The following CDH20 variants were observed in gnomAD, a reference collection of about 807,000 sequenced individuals.
CDH20 encodes the protein cadherin-20.
In CDH20, 29 loss-of-function variants were observed where a neutral mutation model predicts 74.2. The observed-to-expected ratio is 0.39, with a 90% CI of 0.29 to 0.53. CDH20 has a LOEUF of 0.53. CDH20 is among the 20% of genes least tolerant of loss of function. The pLI is 0.69. For missense variants in CDH20, 988 were observed against 1,048.3 expected (o/e 0.94, Z 0.79); for synonymous variants, 469 against 405.4 (o/e 1.16, Z -1.88).
intron 1 of CDH20, among the ~76,000 whole-genome samples, chr18:61,423,293 C>G (rs972931899): frequency 6.6e-6 from 1 of 152,204 alleles, no homozygotes; most frequent in African/African-American, 2.4e-5. Context: ...TCAGCTAGGG[C>G]AGCCCCCATC....
At position 61,508,421 on chromosome 18, in the gene CDH20, G is replaced by A. The variant is rs150088523; in HGVS notation, c.1017+861G>A. On this transcript the variant is annotated intron_variant, in intron 6 of 11. Transcript: ENST00000262717. ...AAGGTAATAACTGATATGGGAGGGGGAGCCAGGAAGCAGAACAGAACACAA... is the reference window on the plus strand; with the variant it reads ...AAGGTAATAACTGATATGGGAGGGGAAGCCAGGAAGCAGAACAGAACACAA... 2.1e-4 allele frequency among the ~76,000 whole-genome samples: 32 copies of A among 152,208 alleles called. No homozygotes were observed. In the East Asian group the frequency reaches 5.8e-3, roughly 28 times the overall value.
At position 61,528,446 on chromosome 18, in the gene CDH20, G is replaced by GACACACATACACACACACACACACAC. The variant is rs370479851; in HGVS notation, c.1271+233_1271+234insTACACACACACACACACACACACACA. Among the ~76,000 whole-genome samples, 15 of 97,730 alleles carry GACACACATACACACACACACACACAC rather than the reference G, an allele frequency of 1.5e-4. No individual in the cohort carries two copies. In the South Asian group the frequency reaches 2.7e-3, roughly 18 times the overall value. The allele number at this position is 97,730 out of a possible 152,430, so 64.1% of individuals were successfully genotyped here. A position where few individuals can be genotyped will look rare whatever the true frequency, so the allele number is the denominator to read the frequency against. On this transcript the variant is annotated intron_variant, in intron 7 of 11. Transcript: ENST00000262717. Reference sequence around the variant, plus strand: ...TTATAACTCACTTTCAATTGGTTGAGACACACACACACACACACACACACA... The same window carrying GACACACATACACACACACACACACAC: ...TTATAACTCACTTTCAATTGGTTGAGACACACATACACACACACACACACACACACACACACACACACACACACACA...
At chr18:61,496,220 CTCCCTT>C (rs892620927) in intron 2 of CDH20, among the ~76,000 whole-genome samples, 3 of 76,694 alleles carry the variant, frequency 3.9e-5, no homozygotes, top group East Asian at 4.7e-4. Flanking sequence ...ATCCCTCTCC[CTCCCTT>C]TCCCTTTCCC....
chr18:61,527,817 A>T, intron 6 of CDH20, 150 bp from the exon 7 acceptor site: 1 of 722,076 alleles, frequency 1.4e-6, no homozygotes, highest in Non-Finnish European at 2.3e-6. Context: ...CAAGACAAAG[A>T]TTTCCCTTCT....
chr18:61,458,288 T>A (rs1451351646), intron 1 of CDH20, among the ~76,000 whole-genome samples: 1 of 152,220 alleles, frequency 6.6e-6, no homozygotes, highest in African/African-American at 2.4e-5. Context: ...TAGTGGAACA[T>A]TCTAAAAATC....
intron 1 of CDH20, among the ~76,000 whole-genome samples, chr18:61,428,008 GC>G (rs1913130260): frequency 6.6e-6 from 1 of 152,140 alleles, no homozygotes; most frequent in Admixed American, 6.5e-5. Flanking sequence ...TAAAGATATA[GC>G]CCCCTCCACA....
chr18:61,374,829 G>T lies in CDH20; in HGVS notation c.-153+41002G>T, dbSNP rs978077507. Among the ~76,000 whole-genome samples the T allele has an allele frequency of 2.6e-5, 4 of 152,086 alleles. No homozygotes were observed. In the East Asian group the frequency reaches 5.8e-4, roughly 22 times the overall value. ...ACAGTCTTAGAGCATTTTGTAAAGG[G>T]TGTTTCTTTCCTGGCTATCTACCCT... On this transcript the variant is annotated intron_variant, in intron 1 of 11. Transcript: ENST00000262717.
chr18:61,445,294 C>T (rs1346907545), intron 1 of CDH20, among the ~76,000 whole-genome samples: 1 of 149,620 alleles, frequency 6.7e-6, no homozygotes, highest in Non-Finnish European at 1.5e-5. Context: ...TAGGTTTTAT[C>T]CTCCATTTAC....
At chr18:61,364,508 C>T (rs1164896788) in intron 1 of CDH20, among the ~76,000 whole-genome samples, 1 of 152,294 alleles carries the variant, frequency 6.6e-6, no homozygotes, top group East Asian at 1.9e-4. Context: ...GATGTGGTTT[C>T]TCCATGTTGG....
chr18:61,372,327 C>CTATT (rs1911071347), intron 1 of CDH20, among the ~76,000 whole-genome samples: 1 of 152,020 alleles, frequency 6.6e-6, no homozygotes, highest in South Asian at 2.1e-4. Context: ...TCTTCTGTGT[C>CTATT]TATTGATCCT....
intron 1 of CDH20, among the ~76,000 whole-genome samples, chr18:61,475,971 C>T (rs1910366869): frequency 6.6e-6 from 1 of 152,084 alleles, no homozygotes; most frequent in Admixed American, 6.6e-5. Flanking sequence ...GGGATTGGCT[C>T]CTTGTATTCT....
chr18:61,551,530 T>C (rs1164743977), intron 11 of CDH20, among the ~76,000 whole-genome samples: 1 of 152,172 alleles, frequency 6.6e-6, no homozygotes, highest in Admixed American at 6.5e-5. Flanking sequence ...AAATACAACA[T>C]GTGGTTTAAT....
At chr18:61,492,280 T>C (rs1910987536) in intron 2 of CDH20, among the ~76,000 whole-genome samples, 2 of 152,130 alleles carry the variant, frequency 1.3e-5, no homozygotes, top group South Asian at 4.1e-4. Context: ...CTGCTAGTCC[T>C]ATGCCAGAAT....
intron 1 of CDH20, among the ~76,000 whole-genome samples, chr18:61,438,260 C>T (rs575556034): frequency 6.6e-6 from 1 of 152,196 alleles, no homozygotes; most frequent in East Asian, 1.9e-4. Context: ...TTCTAAGGAA[C>T]ATAACAAATT....
chr18:61,387,144 C>A (rs1040806705), intron 1 of CDH20, among the ~76,000 whole-genome samples: 1 of 152,164 alleles, frequency 6.6e-6, no homozygotes, highest in Non-Finnish European at 1.5e-5. Context: ...TCAACCTTCA[C>A]AAATAAAACA....
chr18:61,425,295 G>A (rs964986539), intron 1 of CDH20, among the ~76,000 whole-genome samples: 2 of 152,334 alleles, frequency 1.3e-5, no homozygotes, highest in South Asian at 2.1e-4. Flanking sequence ...GATGGACCGG[G>A]AAGTGATGGG....
At position 61,414,907 on chromosome 18, in the gene CDH20, C is replaced by T. The variant is rs146104919; in HGVS notation, c.-152-75495C>T. On this transcript the variant is annotated intron_variant, in intron 1 of 11. Transcript: ENST00000262717. ...AAGTACATTTTTATTGTTGGGCAAA[C>T]ATCACCACCATCCATCTCCAGAACT... is the stretch of plus-strand genomic sequence containing the variant. Among the ~76,000 whole-genome samples the T allele has an allele frequency of 3.9e-3, 599 of 152,102 alleles. 2 individuals carry two copies. The highest frequency in any genetic ancestry group is 0.014 in the African/African-American group (565 of 41,514).
intron 1 of CDH20, among the ~76,000 whole-genome samples, chr18:61,407,048 T>A (rs955263390): frequency 3.3e-5 from 5 of 152,242 alleles, no homozygotes; most frequent in African/African-American, 1.2e-4. Context: ...TAACTGCTCC[T>A]CAAGTAAGAG....
At chr18:61,533,974 T>A (rs1218683778) in intron 7 of CDH20, among the ~76,000 whole-genome samples, 1 of 152,194 alleles carries the variant, frequency 6.6e-6, no homozygotes, top group Non-Finnish European at 1.5e-5. Context: ...TCCTATTTAG[T>A]TGGTTGATGT....
Sources: gnomAD v4.1 joint callset for allele counts (sites outside exome capture counted in the v4.1 genomes callset) on GRCh38, gnomAD v4.1.1 for gene constraint, MANE v1.5 for transcripts, NCBI Gene and HGNC (gene_info 2026-07-23, HGNC 2026-07-21) for gene names.